TOMM7: variants seen among roughly 807,000 people sequenced by gnomAD.
TOMM7 encodes mitochondrial import receptor subunit TOM7 homolog.
Under a neutral mutation model 9.5 loss-of-function variants are expected in TOMM7, and 8 were observed. The ratio of observed to expected loss-of-function variants is 0.84; its 90% CI spans 0.49 to 1.51. The LOEUF is 1.51. TOMM7 is among the 40% of genes most tolerant of loss of function. TOMM7 has a pLI of 0.00. For synonymous variants in TOMM7, 27 were observed against 21.4 expected, an observed-to-expected ratio of 1.26 and a Z score of -0.72; for missense variants, 74 against 63.7, an observed-to-expected ratio of 1.16 and a Z score of -0.55.
At chr7:22,818,096 C>T in intron 1 of TOMM7, 48 bp from the exon 2 acceptor site, 1 of 1,553,578 alleles carries the variant, frequency 6.4e-7, no homozygotes, top group Non-Finnish European at 8.9e-7. Context: ...AAAACCCCAG[C>T]AGACAAAACA....
chr7:22,817,503 CT>C, intron 2 of TOMM7: 2 of 236,330 alleles, frequency 8.5e-6, no homozygotes, highest in Admixed American at 4.2e-5. Context: ...ATCTTCCCAC[CT>C]TGGCTTTCCA....
chr7:22,822,197 C>T (rs1782402525), intron 1 of TOMM7: 2 of 1,550,856 alleles, frequency 1.3e-6, no homozygotes, highest in Admixed American at 2.0e-5. Flanking sequence ...AACCCTTCAT[C>T]GTACAGGTAA....
chr7:22,812,980 T>G lies in TOMM7; in HGVS notation c.*190A>C. On this transcript the variant is annotated 3_prime_UTR_variant, in exon 3 of 3. Coordinates refer to ENST00000358435, the MANE Select transcript of TOMM7 (RefSeq NM_019059.5). ...AAAAAAGACTCAAGCATAACACTGT[T>G]AAAAACATTTATTCTGATACATTCT... is the stretch of plus-strand genomic sequence containing the variant. The G allele has an allele frequency of 3.4e-6, 2 of 586,626 alleles. No homozygotes were observed. Among genetic ancestry groups the G allele is most frequent in the Non-Finnish European group, 6.1e-6 (2 of 325,462 alleles). 36.3% of individuals were successfully genotyped at this position (586,626 alleles called of 1,614,324 possible). A position where few individuals can be genotyped will look rare whatever the true frequency, so the allele number is the denominator to read the frequency against.
chr7:22,817,331 C>A (rs1782329361), intron 2 of TOMM7: 1 of 153,788 alleles, frequency 6.5e-6, no homozygotes, highest in African/African-American at 2.4e-5. Flanking sequence ...CACAAATGCT[C>A]ATACTTTATT....
At chr7:22,817,941 G>A in intron 2 of TOMM7, 59 bp downstream of exon 2, 1 of 1,489,022 alleles carries the variant, frequency 6.7e-7, no homozygotes, top group Non-Finnish European at 9.4e-7. Flanking sequence ...TTACATCTTA[G>A]TGATTCAGTA....
intron 2 of TOMM7, chr7:22,817,491 T>C (rs1217208527): frequency 3.7e-5 from 9 of 241,742 alleles, no homozygotes; most frequent in African/African-American, 6.9e-5. Context: ...AATCCTCCCA[T>C]GATCTTCCCA....
chr7:22,821,770 A>G (rs994628002), intron 1 of TOMM7, among the ~76,000 whole-genome samples: 9 of 151,778 alleles, frequency 5.9e-5, no homozygotes, highest in African/African-American at 1.9e-4. Flanking sequence ...AAAAAAAAAG[A>G]CAGAAAAGAA....
intron 1 of TOMM7, chr7:22,822,101 C>A: frequency 6.5e-7 from 1 of 1,542,390 alleles, no homozygotes; most frequent in Non-Finnish European, 8.7e-7. Flanking sequence ...CTCCCTCAGT[C>A]AGCATAGCTG....
chr7:22,820,782 T>A (rs2128182709), intron 1 of TOMM7, among the ~76,000 whole-genome samples: 2 of 152,194 alleles, frequency 1.3e-5, no homozygotes, highest in Admixed American at 1.3e-4. Context: ...CCATACAAAG[T>A]CACTAAAATC....
chr7:22,822,175 AGAAATCATCCAAAC>A, intron 1 of TOMM7: 1 of 1,550,766 alleles, frequency 6.4e-7, no homozygotes, highest in Non-Finnish European at 8.7e-7. Flanking sequence ...GGGCAGTAAT[AGAAATCATCCAAAC>A]CCTTCATCGT....
At chr7:22,822,273 G>A (rs1298519893) in intron 1 of TOMM7, 2 of 1,549,534 alleles carry the variant, frequency 1.3e-6, no homozygotes, top group Non-Finnish European at 1.7e-6. Flanking sequence ...CTTTCACGAG[G>A]TGTCTCGATT....
chr7:22,820,145 C>T (rs1782367958), intron 1 of TOMM7, among the ~76,000 whole-genome samples: 2 of 152,130 alleles, frequency 1.3e-5, no homozygotes, highest in South Asian at 4.1e-4. Flanking sequence ...GACCACCAGC[C>T]TGGGTAACAC....
At chr7:22,816,132 T>C (rs1021492644) in intron 2 of TOMM7, among the ~76,000 whole-genome samples, 7 of 152,226 alleles carry the variant, frequency 4.6e-5, no homozygotes, top group African/African-American at 1.7e-4. Flanking sequence ...TTACTATTAA[T>C]AGTTTACTGA....
chr7:22,818,363 T>A (rs564245167), intron 1 of TOMM7: 2 of 202,980 alleles, frequency 9.9e-6, no homozygotes, highest in Admixed American at 5.7e-5. Flanking sequence ...CTGTCACCTC[T>A]GCCTCCCAGG....
At chr7:22,822,600 C>A in intron 1 of TOMM7, 77 bp downstream of exon 1, 2 of 1,339,004 alleles carry the variant, frequency 1.5e-6, no homozygotes, top group Admixed American at 1.7e-5. Context: ...TCTCCCTCCC[C>A]CGACGGCCAA....
rs1782336585 is a variant in TOMM7, at chr7:22,817,874, G to C, written c.152+126C>G. The C allele has an allele frequency of 7.2e-6, 6 of 831,606 alleles. No homozygotes were observed. In the South Asian group the frequency reaches 1.1e-4, roughly 15 times the overall value. 51.5% of individuals were successfully genotyped at this position (831,606 alleles called of 1,614,324 possible). Reference sequence around the variant, plus strand: ...AGAAAGTAGTTGCAGTTTTCCAATAGCCCAAAACTATACTGACTGATAAAG... The same window carrying C: ...AGAAAGTAGTTGCAGTTTTCCAATACCCCAAAACTATACTGACTGATAAAG... On this transcript the variant is annotated intron_variant, in intron 2 of 2. Transcript: ENST00000358435.
intron 2 of TOMM7, among the ~76,000 whole-genome samples, chr7:22,815,935 A>C (rs1782311549): frequency 6.6e-6 from 1 of 152,212 alleles, no homozygotes; most frequent in Non-Finnish European, 1.5e-5. Context: ...CTTTTCTAGA[A>C]GCAGATTTCC....
At chr7:22,821,709 C>G (rs1299766814) in intron 1 of TOMM7, among the ~76,000 whole-genome samples, 2 of 151,682 alleles carry the variant, frequency 1.3e-5, no homozygotes, top group Non-Finnish European at 2.9e-5. Context: ...GAGATCGCGC[C>G]ACTACACTCC....
At chr7:22,822,407 C>A in intron 1 of TOMM7, 1 of 939,602 alleles carries the variant, frequency 1.1e-6, no homozygotes. Flanking sequence ...CCAACCCTCC[C>A]TACAATCCCG....
Sources: allele counts gnomAD v4.1 joint callset (sites outside exome capture counted in the v4.1 genomes callset), GRCh38; gene constraint gnomAD v4.1.1; transcripts MANE v1.5; gene names NCBI Gene and HGNC (gene_info 2026-07-23, HGNC 2026-07-21).